Variants in USP48 observed in about 807,000 individuals in gnomAD.
USP48 encodes the protein ubiquitin specific peptidase 48.
Under a neutral mutation model 150.7 loss-of-function variants are expected in USP48, and 43 were observed. That is an observed-to-expected ratio of 0.29 (90% CI 0.22 to 0.37). The LOEUF is 0.37. Among genes scored for constraint, USP48 ranks in the 10% least tolerant of loss-of-function variants. The pLI is 1.00. For synonymous variants in USP48, 396 were observed against 425.9 expected, an observed-to-expected ratio of 0.93 and a Z score of 0.86; for missense variants, 813 against 1,249.6, an observed-to-expected ratio of 0.65 and a Z score of 5.27.
chr1:21,780,177 T>A (rs145856723), intron 1 of USP48, among the ~76,000 whole-genome samples: 1 of 152,124 alleles, frequency 6.6e-6, no homozygotes, highest in Admixed American at 6.6e-5. Flanking sequence ...AACTGATGAA[T>A]AGATATATAA....
intron 24 of USP48, among the ~76,000 whole-genome samples, chr1:21,688,668 C>G (rs1368894106): frequency 4.0e-5 from 6 of 151,268 alleles, no homozygotes. Flanking sequence ...ACGGTGAAAC[C>G]CTGTCTCTAC....
chr1:21,761,512 C>G (rs1275875735), intron 1 of USP48, among the ~76,000 whole-genome samples: 1 of 152,136 alleles, frequency 6.6e-6, no homozygotes, highest in Non-Finnish European at 1.5e-5. Context: ...ACCTTTCAGA[C>G]TTTGAACAAT....
At chr1:21,715,256 A>G in intron 15 of USP48, 133 bp downstream of exon 15, 2 of 580,164 alleles carry the variant, frequency 3.4e-6, no homozygotes, top group Non-Finnish European at 6.2e-6. Context: ...TTTCCTCTAA[A>G]TATGGGGAAA....
At chr1:21,727,525 C>T (rs538649215) in intron 11 of USP48, among the ~76,000 whole-genome samples, 2 of 152,276 alleles carry the variant, frequency 1.3e-5, no homozygotes, top group Non-Finnish European at 2.9e-5. Context: ...TTCTCTTGCC[C>T]AGTGGACACA....
intron 14 of USP48, among the ~76,000 whole-genome samples, chr1:21,716,380 T>TA (rs2152536548): frequency 6.6e-6 from 1 of 152,226 alleles, no homozygotes; most frequent in East Asian, 1.9e-4. Flanking sequence ...ATAGCACAGA[T>TA]AAGCTGGACA....
At chr1:21,740,499 A>G (rs1009666417) in intron 8 of USP48, among the ~76,000 whole-genome samples, 2 of 152,214 alleles carry the variant, frequency 1.3e-5, no homozygotes, top group African/African-American at 4.8e-5. Flanking sequence ...TTACAACTTC[A>G]TAAGAAGCTA....
intron 9 of USP48, among the ~76,000 whole-genome samples, chr1:21,731,497 C>T (rs554053491): frequency 2.0e-4 from 31 of 151,958 alleles, no homozygotes; most frequent in Non-Finnish European, 2.9e-5. Context: ...CTCCTGACCT[C>T]AGGTGATCCT....
intron 9 of USP48, chr1:21,732,637 A>G: frequency 3.1e-6 from 1 of 319,596 alleles, no homozygotes. Flanking sequence ...TTAACTATTT[A>G]GAGCTTTACA....
intron 7 of USP48, among the ~76,000 whole-genome samples, chr1:21,747,546 G>C (rs2097797489): frequency 6.6e-6 from 1 of 152,006 alleles, no homozygotes; most frequent in African/African-American, 2.4e-5. Flanking sequence ...CAGAAGGTCA[G>C]GGTAATTCAA....
intron 25 of USP48, chr1:21,681,059 C>T (rs1007630926): frequency 2.4e-6 from 1 of 413,752 alleles, no homozygotes; most frequent in Non-Finnish European, 4.3e-6. Flanking sequence ...CAAATACTGA[C>T]AGGACAAGGT....
At position 21,756,685 on chromosome 1, in the gene USP48, C is replaced by G. The variant is rs1455725909; in HGVS notation, c.273G>C (p.Leu91=). 1 of 1,613,516 alleles carries G rather than the reference C, an allele frequency of 6.2e-7. No homozygotes were observed. The highest frequency in any genetic ancestry group is 1.7e-5 in the Admixed American group (1 of 59,896). Residue 91 remains leucine (L), a synonymous_variant, in exon 3 of 27, where the codon CTG becomes CTC. Coordinates refer to ENST00000308271, the MANE Select transcript of USP48 (RefSeq NM_032236.8). ...CATAACAAGTGGCTCCAAGGTTAGTCAGGCCCACAAATGAGTTCTACAAAA... is the reference window on the plus strand; with the variant it reads ...CATAACAAGTGGCTCCAAGGTTAGTGAGGCCCACAAATGAGTTCTACAAAA... ...ERRKKNSFVG[L]TNLGATCYVN...
At chr1:21,683,160 A>T (rs1203701749) in intron 25 of USP48, among the ~76,000 whole-genome samples, 1 of 152,162 alleles carries the variant, frequency 6.6e-6, no homozygotes, top group Non-Finnish European at 1.5e-5. Flanking sequence ...ACTACTCAGG[A>T]GGCTGAGCCA....
chr1:21,685,288 A>AT (rs760888264), intron 25 of USP48, among the ~76,000 whole-genome samples: 48 of 133,220 alleles, frequency 3.6e-4, no homozygotes, highest in South Asian at 1.9e-3. Flanking sequence ...ATTTAATCTT[A>AT]TTTTTTTTTG....
At chr1:21,712,658 T>C (rs911182998) in intron 15 of USP48, among the ~76,000 whole-genome samples, 1 of 150,398 alleles carries the variant, frequency 6.6e-6, no homozygotes, top group Non-Finnish European at 1.5e-5. Context: ...AGACAGGGTC[T>C]TGCTCTGTTG....
intron 25 of USP48, among the ~76,000 whole-genome samples, chr1:21,683,983 A>T (rs546234096): frequency 6.6e-6 from 1 of 152,340 alleles, no homozygotes; most frequent in Non-Finnish European, 1.5e-5. Flanking sequence ...TGGCTGAATA[A>T]TAGTATCCCA....
At chr1:21,697,324 A>G (rs1013170457) in intron 22 of USP48, among the ~76,000 whole-genome samples, 1 of 152,158 alleles carries the variant, frequency 6.6e-6, no homozygotes, top group Non-Finnish European at 1.5e-5. Flanking sequence ...AAAGAAAAAA[A>G]AAAAATGAAA....
chr1:21,688,913 C>G (rs1243716532), intron 24 of USP48, among the ~76,000 whole-genome samples: 7 of 151,248 alleles, frequency 4.6e-5, no homozygotes, highest in Non-Finnish European at 5.9e-5. Flanking sequence ...AATTTCCATG[C>G]CTTGGACAGA....
intron 6 of USP48, among the ~76,000 whole-genome samples, chr1:21,749,279 T>G (rs2097803015): frequency 6.6e-6 from 1 of 152,284 alleles, no homozygotes; most frequent in East Asian, 1.9e-4. Flanking sequence ...TCACTGGCAT[T>G]CCTCCAGGGA....
chr1:21,682,529 G>A (rs2097568775), intron 25 of USP48, among the ~76,000 whole-genome samples: 1 of 151,660 alleles, frequency 6.6e-6, no homozygotes, highest in Admixed American at 6.6e-5. Context: ...TTGGTCCCAG[G>A]CTCTCATTCC....
Sources: gnomAD v4.1 joint callset for allele counts (sites outside exome capture counted in the v4.1 genomes callset) on GRCh38, gnomAD v4.1.1 for gene constraint, MANE v1.5 for transcripts, NCBI Gene and HGNC (gene_info 2026-07-23, HGNC 2026-07-21) for gene names.